The following CENPP variants were observed in gnomAD, a reference collection of about 807,000 sequenced individuals.
CENPP encodes the protein centromere protein P.
Under a neutral mutation model 35.6 loss-of-function variants are expected in CENPP, and 24 were observed. The ratio of observed to expected loss-of-function variants is 0.67; its 90% confidence interval spans 0.49 to 0.95. CENPP has a LOEUF of 0.95. CENPP is among the 40% of genes least tolerant of loss of function. The pLI, the probability that CENPP is intolerant of heterozygous loss-of-function variation, is 0.00. For missense variants in CENPP, 332 were observed against 345.3 expected (o/e 0.96, Z 0.31); for synonymous variants, 120 against 125.5 (o/e 0.96, Z 0.29).
At chr9:92,514,710 C>A (rs1267294847) in intron 5 of CENPP, 1 of 1,613,778 alleles carries the variant, frequency 6.2e-7, no homozygotes, top group African/African-American at 1.3e-5. Flanking sequence ...AGCTGATGGT[C>A]CTGTAGGACA....
At chr9:92,531,520 G>A (rs565163477) in intron 5 of CENPP, among the ~76,000 whole-genome samples, 6 of 151,780 alleles carry the variant, frequency 4.0e-5, no homozygotes, top group Admixed American at 1.3e-4. Context: ...CACTATTAAC[G>A]TTTTGCGCCA....
intron 5 of CENPP, chr9:92,393,067 A>G: frequency 1.2e-6 from 2 of 1,602,884 alleles, no homozygotes; most frequent in Non-Finnish European, 1.7e-6. Context: ...TACTAATATC[A>G]TATTTCAGCT....
rs1851408544 is a variant in CENPP, at chr9:92,615,729, G to A, written c.*2580G>A. 8.3e-6 allele frequency: 8 copies of A among 964,896 alleles called. No individual in the cohort carries two copies. The highest frequency in any genetic ancestry group is 1.3e-5 in the Non-Finnish European group (8 of 631,526). The allele number at this position is 964,896 out of a possible 1,614,324, so 59.8% of individuals were successfully genotyped here. A position where few individuals can be genotyped will look rare whatever the true frequency, so the allele number is the denominator to read the frequency against. ...AATCCCACCTCAAAAGGGGTTAAAA[G>A]CAAAAACATTCACAACCAAAGGTCA... is the stretch of plus-strand genomic sequence containing the variant. On this transcript the variant is annotated 3_prime_UTR_variant, in exon 8 of 8. Coordinates refer to ENST00000375587, the MANE Select transcript of CENPP (RefSeq NM_001012267.3).
chr9:92,547,502 A>T (rs1354605789), intron 5 of CENPP, among the ~76,000 whole-genome samples: 1 of 152,270 alleles, frequency 6.6e-6, no homozygotes, highest in Non-Finnish European at 1.5e-5. Context: ...ACACATGCTG[A>T]AAGTGTCACC....
rs546537732 is a variant in CENPP at position 92,399,882 on chromosome 9, C to T, written c.564+20023C>T. Among the ~76,000 whole-genome samples the T allele has an allele frequency of 1.2e-4, 18 of 152,242 alleles. 1 individual carries two copies. Among genetic ancestry groups the T allele is most frequent in the East Asian group, 5.8e-4 (3 of 5,188 alleles). On this transcript the variant is annotated intron_variant, in intron 5 of 7. Transcript: ENST00000375587. ...TTTTTGTCTATTCATATACCAGTAT[C>T]GCACTTTTTAAAGTATAGAGTTTTA...
chr9:92,524,780 A>G (rs1314201415), intron 5 of CENPP, among the ~76,000 whole-genome samples: 1 of 152,170 alleles, frequency 6.6e-6, no homozygotes, highest in African/African-American at 2.4e-5. Context: ...GTATTTGGTG[A>G]TTCTAGAAGG....
chr9:92,418,391 T>C (rs929566276), intron 5 of CENPP, among the ~76,000 whole-genome samples: 1 of 134,152 alleles, frequency 7.5e-6, no homozygotes, highest in East Asian at 2.0e-4. Flanking sequence ...CTGGCCGAGA[T>C]TTTTTTTTTT....
chr9:92,605,760 A>C (rs1851060852), intron 5 of CENPP, among the ~76,000 whole-genome samples: 1 of 152,224 alleles, frequency 6.6e-6, no homozygotes, highest in Non-Finnish European at 1.5e-5. Flanking sequence ...TAGCTATGAC[A>C]CCAAAAGCAC....
intron 5 of CENPP, among the ~76,000 whole-genome samples, chr9:92,431,824 C>G (rs1292837197): frequency 6.6e-6 from 1 of 152,224 alleles, no homozygotes; most frequent in Non-Finnish European, 1.5e-5. Context: ...CTGCCCACCT[C>G]AGCCTCCCAA....
At chr9:92,611,284 T>C in intron 5 of CENPP, 30 bp from the exon 6 acceptor site, 1 of 1,581,912 alleles carries the variant, frequency 6.3e-7, no homozygotes, top group Non-Finnish European at 8.7e-7. Flanking sequence ...CACCAGTGGA[T>C]CTGTCTACCC....
chr9:92,392,634 GA>G (rs148375786), intron 5 of CENPP, among the ~76,000 whole-genome samples: 3,045 of 143,574 alleles, frequency 0.021, 108 homozygotes, highest in African/African-American at 0.073. Context: ...GGAGGGGGGA[GA>G]AAAAAAAAAC....
At chr9:92,403,959 A>C (rs1380803533) in intron 5 of CENPP, among the ~76,000 whole-genome samples, 1 of 152,220 alleles carries the variant, frequency 6.6e-6, no homozygotes, top group East Asian at 1.9e-4. Flanking sequence ...GTGGTACAGA[A>C]TATAGGAAAA....
intron 5 of CENPP, among the ~76,000 whole-genome samples, chr9:92,534,879 C>T (rs1849071507): frequency 6.6e-6 from 1 of 152,126 alleles, no homozygotes; most frequent in Non-Finnish European, 1.5e-5. Context: ...GCAGACCTTC[C>T]ATCCTGTTGT....
chr9:92,544,999 C>G (rs906996299), intron 5 of CENPP, among the ~76,000 whole-genome samples: 1 of 152,152 alleles, frequency 6.6e-6, no homozygotes, highest in Non-Finnish European at 1.5e-5. Flanking sequence ...GCTGGGATTA[C>G]CGGTGTGAGC....
chr9:92,381,464 C>T (rs757689209), intron 5 of CENPP, among the ~76,000 whole-genome samples: 2 of 151,862 alleles, frequency 1.3e-5, no homozygotes, highest in African/African-American at 2.4e-5. Flanking sequence ...ATGTATTTTT[C>T]GTAGAGATGC....
At chr9:92,573,683 G>A (rs1850207550) in intron 5 of CENPP, among the ~76,000 whole-genome samples, 1 of 152,202 alleles carries the variant, frequency 6.6e-6, no homozygotes, top group African/African-American at 2.4e-5. Context: ...GTTCAGCTAT[G>A]CCCTGCCCCG....
At chr9:92,381,742 T>C (rs1189293629) in intron 5 of CENPP, among the ~76,000 whole-genome samples, 1 of 152,242 alleles carries the variant, frequency 6.6e-6, no homozygotes, top group African/African-American at 2.4e-5. Flanking sequence ...TGTAATGATA[T>C]ACCTGGAAAT....
At chr9:92,358,952 C>CTTTTTTTTTTTCTTTCTTTCT (rs1841664937) in intron 4 of CENPP, among the ~76,000 whole-genome samples, 2 of 122,380 alleles carry the variant, frequency 1.6e-5, no homozygotes, top group Non-Finnish European at 3.4e-5. Context: ...TTCTTTCTTT[C>CTTTTTTTTTTTCTTTCTTTCT]TTTTTTTTTT....
chr9:92,615,661 G>A lies in CENPP; in HGVS notation c.*2512G>A. The A allele has an allele frequency of 1.7e-6, 1 of 588,044 alleles. No individual in the cohort carries two copies. Among genetic ancestry groups the A allele is most frequent in the Non-Finnish European group, 3.0e-6 (1 of 330,212 alleles). 36.4% of individuals were successfully genotyped at this position (588,044 alleles called of 1,614,324 possible). On this transcript the variant is annotated 3_prime_UTR_variant, in exon 8 of 8. Coordinates refer to ENST00000375587, the MANE Select transcript of CENPP (RefSeq NM_001012267.3). ...CTCACTTCCTACATTCCTTGTCCAGGAAGTTGTTTCTAGTGCTCTTCAATT... is the reference window on the plus strand; with the variant it reads ...CTCACTTCCTACATTCCTTGTCCAGAAAGTTGTTTCTAGTGCTCTTCAATT...
Sources: allele counts gnomAD v4.1 joint callset (sites outside exome capture counted in the v4.1 genomes callset), GRCh38; gene constraint gnomAD v4.1.1; transcripts MANE v1.5; gene names NCBI Gene and HGNC (gene_info 2026-07-23, HGNC 2026-07-21).